The following PIGQ variants were observed in gnomAD, a reference collection of about 807,000 sequenced individuals.
PIGQ encodes phosphatidylinositol N-acetylglucosaminyltransferase subunit Q.
Under a neutral mutation model 60.3 loss-of-function variants are expected in PIGQ, and 54 were observed. The observed-to-expected ratio is 0.90, with a 90% CI of 0.72 to 1.12. The LOEUF is 1.12. PIGQ is among the 50% of genes most tolerant of loss of function. The pLI, the probability that PIGQ is intolerant of heterozygous loss-of-function variation, is 0.00. For synonymous variants in PIGQ, 416 were observed against 363.7 expected, an observed-to-expected ratio of 1.14 and a Z score of -1.64; for missense variants, 799 against 793.5, an observed-to-expected ratio of 1.01 and a Z score of -0.08.
chr16:582,807 G>A, intron 10 of PIGQ, 76 bp from the exon 11 acceptor site: 2 of 1,457,254 alleles, frequency 1.4e-6, no homozygotes, highest in South Asian at 1.3e-5. Context: ...CCTCACAACT[G>A]CCCGCCCCCA....
At chr16:582,345 C>CTGCCCCTGTTCTGG in intron 10 of PIGQ, 36 bp downstream of exon 10, 2 of 1,503,936 alleles carry the variant, frequency 1.3e-6, no homozygotes, top group Non-Finnish European at 1.8e-6. Context: ...CCCTACGCTG[C>CTGCCCCTGTTCTGG]TGCCCCTGTT....
Position 580,966 on chromosome 16 carries a change from C to T in PIGQ, c.1525C>T (p.Leu509=). 1 of 1,604,976 alleles carries T rather than the reference C, an allele frequency of 6.2e-7. No individual in the cohort carries two copies. Among genetic ancestry groups the T allele is most frequent in the Non-Finnish European group, 8.5e-7 (1 of 1,173,358 alleles). The change falls in exon 9 of 11, where the codon CTG becomes TTG. Residue 509 remains leucine, a synonymous_variant. Transcript: ENST00000321878. The part of the protein sequence containing the change: ...LGLRLCRPYR[L]AAGVKFRVLR... ...TCTTCGGCTCTGCCGGCCCTACAGG[C>T]TGGCGGGTAAGTGCTGCGTATTGGG... is the stretch of plus-strand genomic sequence containing the variant.
intron 1 of PIGQ, among the ~76,000 whole-genome samples, chr16:573,854 G>T (rs2035671347): frequency 6.6e-6 from 1 of 152,184 alleles, no homozygotes; most frequent in Non-Finnish European, 1.5e-5. Flanking sequence ...GGGTGGACTT[G>T]GGGCCAGCAC....
Position 574,757 on chromosome 16 carries a change from C to T in PIGQ, c.683C>T (p.Ala228Val), listed in dbSNP as rs1233811232. ...SLLSLVSAVS[A>V]CRVFKLWPLS... ...CTGTCGCTGGTCTCAGCTGTCAGTG[C>T]CTGCCGGTAGGTGTCCCGGGACAGG... The change falls in exon 2 of 11, where the codon GCC becomes GTC. Residue 228 changes from alanine to valine, a missense_variant. Ala to Val is a moderately conservative substitution (Grantham distance 64). Coordinates refer to ENST00000321878, the MANE Select transcript of PIGQ (RefSeq NM_004204.5). 1 of 1,567,356 alleles carries T rather than the reference C, an allele frequency of 6.4e-7. No homozygotes were observed. The highest frequency in any genetic ancestry group is 8.6e-7 in the Non-Finnish European group (1 of 1,161,416).
Position 574,335 on chromosome 16 carries a change from C to CT in PIGQ, c.263dup (p.His90ProfsTer2). ...GCTTCCTGGAGAGCCTGGGTGCTGTCTTCCCCCATGAGCCCTGGCTGCGGC... is the reference window on the plus strand; with the variant it reads ...GCTTCCTGGAGAGCCTGGGTGCTGTCTTTCCCCCATGAGCCCTGGCTGCGGC... On this transcript the variant is annotated frameshift_variant, in exon 2 of 11. Transcript: ENST00000321878. LOFTEE classifies it high-confidence loss of function. 3.7e-6 allele frequency: 6 copies of CT among 1,608,744 alleles called. No individual in the cohort carries two copies. The highest frequency in any genetic ancestry group is 5.1e-6 in the Non-Finnish European group (6 of 1,179,426).
In PIGQ at chr16:581,263, T is replaced by C. The variant is rs1032420866; in HGVS notation, c.1531+291T>C. ...CTTCTGCCTTGGGATTTTCTGGGCT[T>C]GGGAGTCTGAACTGCAGGCCAGGGG... On this transcript the variant is annotated intron_variant, in intron 9 of 10. Transcript: ENST00000321878. 4.4e-6 allele frequency: 6 copies of C among 1,373,072 alleles called. No individual in the cohort carries two copies. In the African/African-American group the frequency reaches 4.4e-5, roughly 10 times the overall value. The allele number at this position is 1,373,072 out of a possible 1,614,324, so 85.1% of individuals were successfully genotyped here.
In PIGQ at chr16:579,010, T is replaced by TGGGGCGGGGGC. The variant is rs1434633135; in HGVS notation, c.1224-49_1224-39dup. Reference sequence around the variant, plus strand: ...GGCTCCGGCTGGGCGGGCGTTCGAGTGGGGCGGGGGCGGGGCGGGGCGGGG... The same window carrying TGGGGCGGGGGC: ...GGCTCCGGCTGGGCGGGCGTTCGAGTGGGGCGGGGGCGGGGCGGGGGCGGGGCGGGGCGGGG... On this transcript the variant is annotated intron_variant, in intron 6 of 10. Coordinates refer to ENST00000321878, the MANE Select transcript of PIGQ (RefSeq NM_004204.5). 9.6e-5 allele frequency: 41 copies of TGGGGCGGGGGC among 427,016 alleles called. No individual in the cohort carries two copies. The African/African-American group carries it at 2.0e-3, about 21-fold the overall frequency. The allele number at this position is 427,016 out of a possible 1,614,324, so 26.5% of individuals were successfully genotyped here. A position where few individuals can be genotyped will look rare whatever the true frequency, so the allele number is the denominator to read the frequency against.
At chr16:581,451 G>A (rs2035808052) in intron 9 of PIGQ, 5 of 793,606 alleles carry the variant, frequency 6.3e-6, no homozygotes, top group Middle Eastern at 6.3e-4. Flanking sequence ...GCTTCTTTCA[G>A]TGGAGTCTGC....
chr16:572,427 A>G, intron 1 of PIGQ: 1 of 435,698 alleles, frequency 2.3e-6, no homozygotes, highest in Non-Finnish European at 4.6e-6. Context: ...GCAGGGGAGG[A>G]GAGCAGCTGC....
chr16:574,589 G>A lies in PIGQ; in HGVS notation c.515G>A (p.Ser172Asn), dbSNP rs1397518674. Residue 172 changes from serine to asparagine, a missense_variant, in exon 2 of 11, where the codon AGT (serine) becomes AAT (asparagine). Ser to Asn is a conservative substitution (Grantham distance 46). Coordinates refer to ENST00000321878, the MANE Select transcript of PIGQ (RefSeq NM_004204.5). ...LAAVFDTVAR[S>N]EVLFRSDRFD... ...GCCGTCTTCGACACGGTAGCACGCA[G>A]TGAGGTGCTCTTCCGCAGTGACCGC... 2 of 1,605,014 alleles carry A rather than the reference G, an allele frequency of 1.2e-6. No homozygotes were observed. The highest frequency in any genetic ancestry group is 1.7e-6 in the Non-Finnish European group (2 of 1,176,778).
intron 7 of PIGQ, 59 bp downstream of exon 7, chr16:579,239 C>T: frequency 7.1e-7 from 1 of 1,408,478 alleles, no homozygotes; most frequent in Non-Finnish European, 1.0e-6. Flanking sequence ...GCCCGCTGGG[C>T]CAGCGCGGTG....
chr16:577,378 C>G (rs1218708055), intron 4 of PIGQ: 1 of 152,030 alleles, frequency 6.6e-6, no homozygotes, highest in Admixed American at 6.6e-5. Flanking sequence ...GAGATCGAGA[C>G]CATCCTGGCT....
Position 580,220 on chromosome 16 carries a change from TC to T in PIGQ, c.1375del (p.Leu459SerfsTer25). ...IGTLLFTILLFLLPTTALYYL... is the reference protein window; with the variant it reads ...IGTLLFTILLXLLPTTALYYL... ...ACTCTGCTCTTCACCATCCTGCTCT[TC>T]CTCCTGCCTACCACAGCCCTGTACT... is the stretch of plus-strand genomic sequence containing the variant. On this transcript the variant is annotated frameshift_variant, in exon 8 of 11. Transcript: ENST00000321878. LOFTEE classifies it high-confidence loss of function. 1 of 1,613,004 alleles carries T rather than the reference TC, an allele frequency of 6.2e-7. No individual in the cohort carries two copies. Among genetic ancestry groups the T allele is most frequent in the Non-Finnish European group, 8.5e-7 (1 of 1,179,452 alleles).
chr16:578,719 T>TGA, intron 5 of PIGQ, 66 bp from the exon 6 acceptor site: 1 of 1,561,058 alleles, frequency 6.4e-7, no homozygotes, highest in Non-Finnish European at 8.8e-7. Context: ...CCTGTGTGTG[T>TGA]GAGGGTTGTG....
At chr16:580,160 G>A (rs754154314) in intron 7 of PIGQ, 23 bp from the exon 8 acceptor site, 26 of 1,594,696 alleles carry the variant, frequency 1.6e-5, no homozygotes, top group South Asian at 3.4e-5. Flanking sequence ...GCTGATGCCC[G>A]GTGTGCTGGC....
intron 1 of PIGQ, among the ~76,000 whole-genome samples, chr16:571,611 C>CGTGTGTGT (rs4006749): frequency 8.0e-6 from 1 of 125,034 alleles, no homozygotes. Context: ...GCCTGGCGCC[C>CGTGTGTGT]GTGTGTGTGT....
chr16:572,567 G>GAT, intron 1 of PIGQ: 1 of 451,086 alleles, frequency 2.2e-6, no homozygotes, highest in Non-Finnish European at 4.4e-6. Context: ...TCGTCCCTAA[G>GAT]GATGTGGTGG....
At chr16:573,066 G>A (rs1309452971) in intron 1 of PIGQ, among the ~76,000 whole-genome samples, 1 of 152,220 alleles carries the variant, frequency 6.6e-6, no homozygotes. Flanking sequence ...CCCCGCCAGG[G>A]AAGGCATCAG....
intron 2 of PIGQ, 40 bp downstream of exon 2, chr16:574,803 C>T (rs764822108): frequency 4.9e-6 from 7 of 1,417,954 alleles, no homozygotes; most frequent in African/African-American, 1.4e-5. Flanking sequence ...AGAGTGGGGT[C>T]CCATGAGTGC....
Sources: gnomAD v4.1 joint callset for allele counts (sites outside exome capture counted in the v4.1 genomes callset) on GRCh38, gnomAD v4.1.1 for gene constraint, MANE v1.5 for transcripts, NCBI Gene and HGNC (gene_info 2026-07-23, HGNC 2026-07-21) for gene names.